MCTP1: variants seen among roughly 807,000 people sequenced by gnomAD.
MCTP1 encodes multiple C2 and transmembrane domain containing 1, also known as multiple C2 and transmembrane domain-containing protein 1.
MCTP1 carries 69 observed loss-of-function variants against 120.6 expected under a neutral mutation model. That is an observed-to-expected ratio of 0.57 (90% confidence interval 0.47 to 0.70). The LOEUF (loss-of-function observed/expected upper bound fraction) is 0.70. MCTP1 is among the 30% of genes least tolerant of loss of function. MCTP1 has a pLI of 0.00. For missense variants in MCTP1, 1,203 were observed against 1,248.8 expected, an observed-to-expected ratio of 0.96 and a Z score of 0.55; for synonymous variants, 529 against 493.1, an observed-to-expected ratio of 1.07 and a Z score of -0.96.
chr5:94,933,976 T>C (rs1815478162), intron 5 of MCTP1, among the ~76,000 whole-genome samples: 1 of 151,832 alleles, frequency 6.6e-6, no homozygotes, highest in African/African-American at 2.4e-5. Flanking sequence ...TTAGCAGTTA[T>C]GAGAACCCAT....
chr5:95,130,740 T>C (rs1018282847), intron 1 of MCTP1, among the ~76,000 whole-genome samples: 2 of 152,168 alleles, frequency 1.3e-5, no homozygotes, highest in East Asian at 1.9e-4. Context: ...ACCCCAATCA[T>C]ACGGGATTAT....
intron 1 of MCTP1, among the ~76,000 whole-genome samples, chr5:95,115,588 G>A (rs1275902851): frequency 6.6e-6 from 1 of 151,674 alleles, no homozygotes; most frequent in African/African-American, 2.4e-5. Context: ...AGTCAGAGGA[G>A]ACAAAAGAAA....
chr5:95,091,705 C>T lies in MCTP1; in HGVS notation c.721-74221G>A, dbSNP rs142300781. Among the ~76,000 whole-genome samples, 80 of 152,306 alleles carry T rather than the reference C, an allele frequency of 5.3e-4. 1 individual carries two copies. The highest frequency in any genetic ancestry group is 9.1e-4 in the Non-Finnish European group (62 of 68,030). ...AACTCTAACATCTATCTGACTGCAA[C>T]GACATGAAGGACATTGACCAGAATC... On this transcript the variant is annotated intron_variant, in intron 1 of 22. Coordinates refer to ENST00000515393, the MANE Select transcript of MCTP1 (RefSeq NM_024717.7).
chr5:94,753,433 C>T (rs1341873339), intron 19 of MCTP1, among the ~76,000 whole-genome samples: 1 of 152,146 alleles, frequency 6.6e-6, no homozygotes, highest in Non-Finnish European at 1.5e-5. Flanking sequence ...ATGGGTTGCG[C>T]ATTTTCATTA....
Position 94,817,171 on chromosome 5 carries a change from G to A in MCTP1, c.2437-18039C>T, listed in dbSNP as rs1180787256. Among the ~76,000 whole-genome samples the A allele has an allele frequency of 2.6e-5, 4 of 152,126 alleles. No homozygotes were observed. The East Asian group carries it at 7.7e-4, about 29-fold the overall frequency. On this transcript the variant is annotated intron_variant, in intron 17 of 22. Transcript: ENST00000515393. The stretch of plus-strand genomic sequence containing the variant: ...TGTAATCCCAGCACTTTGGGAGGCC[G>A]AGGCAGGCGGATCACGAGGTCAGGA...
intron 1 of MCTP1, among the ~76,000 whole-genome samples, chr5:95,219,108 G>T (rs923483234): frequency 6.6e-6 from 1 of 152,052 alleles, no homozygotes; most frequent in African/African-American, 2.4e-5. Context: ...AAGGCCAGGC[G>T]CAGTGGCTCA....
At chr5:95,154,607 A>G (rs1037613388) in intron 1 of MCTP1, among the ~76,000 whole-genome samples, 4 of 152,196 alleles carry the variant, frequency 2.6e-5, no homozygotes, top group African/African-American at 9.6e-5. Flanking sequence ...CTACAAACCA[A>G]GAAAACTGAG....
intron 1 of MCTP1, among the ~76,000 whole-genome samples, chr5:95,138,635 C>G (rs1037825864): frequency 6.6e-6 from 1 of 152,288 alleles, no homozygotes; most frequent in Non-Finnish European, 1.5e-5. Flanking sequence ...AAAGGAATGA[C>G]CCCCTCACAG....
chr5:94,932,188 A>G (rs1233764327), intron 5 of MCTP1, among the ~76,000 whole-genome samples, 197 bp from the exon 6 acceptor site: 1 of 135,620 alleles, frequency 7.4e-6, no homozygotes, highest in African/African-American at 2.7e-5. Flanking sequence ...CTTTCTGGTG[A>G]GAGTTCATTT....
At chr5:95,102,933 A>T (rs141021429) in intron 1 of MCTP1, among the ~76,000 whole-genome samples, 30 of 152,322 alleles carry the variant, frequency 2.0e-4, no homozygotes, top group African/African-American at 7.0e-4. Flanking sequence ...TCTACTCACC[A>T]GCTATGCAAA....
At chr5:95,003,560 G>T (rs1187385424) in intron 2 of MCTP1, among the ~76,000 whole-genome samples, 1 of 152,184 alleles carries the variant, frequency 6.6e-6, no homozygotes, top group Admixed American at 6.5e-5. Flanking sequence ...ATGCAACAAG[G>T]AAGTCTTTGG....
At chr5:94,972,174 C>T (rs1188971658) in intron 2 of MCTP1, among the ~76,000 whole-genome samples, 1 of 152,268 alleles carries the variant, frequency 6.6e-6, no homozygotes, top group South Asian at 2.1e-4. Context: ...CCATATTCTG[C>T]ACCCACAAGC....
chr5:94,952,576 C>T (rs913739631), intron 3 of MCTP1, among the ~76,000 whole-genome samples: 2 of 151,876 alleles, frequency 1.3e-5, no homozygotes, highest in Non-Finnish European at 2.9e-5. Flanking sequence ...CAGTCAGAGC[C>T]TAGGAGCAAA....
intron 2 of MCTP1, among the ~76,000 whole-genome samples, chr5:94,963,593 T>C (rs1472730020): frequency 6.6e-6 from 1 of 152,054 alleles, no homozygotes; most frequent in Non-Finnish European, 1.5e-5. Context: ...GCTTCCTGGC[T>C]ATTTGTATGT....
rs1746451094 is a variant in MCTP1, at chr5:95,166,842, C to CA, written c.720+117013dup. On this transcript the variant is annotated intron_variant, in intron 1 of 22. Transcript: ENST00000515393. ...TCAGCCTCCCAAAGTGCTGGGATTA[C>CA]AGGCGTGAGCCACTGTGCACAGCCA... Among the ~76,000 whole-genome samples the CA allele has an allele frequency of 2.0e-5, 3 of 151,962 alleles. No homozygotes were observed. In the South Asian group the frequency reaches 6.2e-4, roughly 32 times the overall value.
intron 17 of MCTP1, among the ~76,000 whole-genome samples, chr5:94,827,334 G>A (rs1712287611): frequency 6.6e-6 from 1 of 152,110 alleles, no homozygotes; most frequent in South Asian, 2.1e-4. Flanking sequence ...CTGCAGAGAG[G>A]TCCACTGTTA....
In MCTP1 at chr5:95,276,634, T is replaced by C. The variant is rs531550809; in HGVS notation, c.720+7222A>G. On this transcript the variant is annotated intron_variant, in intron 1 of 22. Transcript: ENST00000515393. ...ACTTTCTTAGATAATGGGCTTGGGA[T>C]GCAGAAGAAGTGCTAGGTACAAAAA... Among the ~76,000 whole-genome samples the C allele has an allele frequency of 1.7e-4, 25 of 150,974 alleles. 1 individual carries two copies. Among genetic ancestry groups the C allele is most frequent in the African/African-American group, 5.1e-4 (21 of 41,170 alleles).
rs544890217 is a variant in MCTP1, at chr5:94,899,505, A to C, written c.1653-4670T>G. 7.2e-4 allele frequency among the ~76,000 whole-genome samples: 109 copies of C among 152,284 alleles called. 1 individual carries two copies. In the South Asian group the frequency reaches 0.011, roughly 15 times the overall value. The stretch of plus-strand genomic sequence containing the variant: ...CAGGCCTAGCCGCCATATACTTTTG[A>C]GTTTCTGGCTTCTAAAGCCACTTCT... On this transcript the variant is annotated intron_variant, in intron 10 of 22. Coordinates refer to ENST00000515393, the MANE Select transcript of MCTP1 (RefSeq NM_024717.7).
chr5:95,171,832 T>C (rs1197884955), intron 1 of MCTP1, among the ~76,000 whole-genome samples: 2 of 151,072 alleles, frequency 1.3e-5, no homozygotes, highest in Admixed American at 1.3e-4. Context: ...TCAAGGTTTT[T>C]AGCTTCTTTG....
Sources: allele counts gnomAD v4.1 joint callset (sites outside exome capture counted in the v4.1 genomes callset), GRCh38; gene constraint gnomAD v4.1.1; transcripts MANE v1.5; gene names NCBI Gene and HGNC (gene_info 2026-07-23, HGNC 2026-07-21).